The following WFS1 variants were observed in gnomAD, a reference collection of about 807,000 sequenced individuals.
WFS1 encodes the protein wolframin.
In WFS1, 90 loss-of-function variants were observed where a neutral mutation model predicts 68.5. The observed-to-expected ratio is 1.31, with a 90% CI of 1.11 to 1.56. The LOEUF (loss-of-function observed/expected upper bound fraction) is 1.56. Ranked by LOEUF, WFS1 falls within the 40% of genes most tolerant of loss-of-function variation. WFS1 has a pLI of 0.00. For synonymous variants in WFS1, 860 were observed against 540.7 expected, an observed-to-expected ratio of 1.59 and a Z score of -8.19; for missense variants, 1,767 against 1,232.6, an observed-to-expected ratio of 1.43 and a Z score of -6.49.
At chr4:6,291,833 A>G in intron 5 of WFS1, 84 bp from the exon 6 acceptor site, 1 of 1,433,750 alleles carries the variant, frequency 7.0e-7, no homozygotes. Context: ...GTGCCCTAGG[A>G]ACAGTGCGCC....
chr4:6,288,058 A>T (rs1356205093), intron 3 of WFS1, among the ~76,000 whole-genome samples: 1 of 152,068 alleles, frequency 6.6e-6, no homozygotes, highest in Admixed American at 6.5e-5. Context: ...CTCCACTACA[A>T]ATAGAAAAAT....
intron 1 of WFS1, among the ~76,000 whole-genome samples, chr4:6,271,824 C>T (rs928633461): frequency 6.6e-6 from 1 of 152,208 alleles, no homozygotes; most frequent in Admixed American, 6.5e-5. Flanking sequence ...GCTATCGGGT[C>T]AGGTCCGCCT....
chr4:6,301,645 G>A lies in WFS1; in HGVS notation c.1850G>A (p.Ser617Asn). The change falls in exon 8 of 8, where the codon AGC becomes AAC. Residue 617 changes from serine to asparagine, a missense_variant. Transcript: ENST00000226760. Reference protein sequence around the residue: ...PLLLRWWTKASFSVVGMVKSL... With the variant: ...PLLLRWWTKANFSVVGMVKSL... ...CTGTTGCGCTGGTGGACCAAGGCCA[G>A]CTTCTCTGTGGTGGGGATGGTGAAG... The A allele has an allele frequency of 6.2e-7, 1 of 1,614,112 alleles. No homozygotes were observed. Among genetic ancestry groups the A allele is most frequent in the African/African-American group, 1.3e-5 (1 of 75,074 alleles).
chr4:6,292,330 G>T (rs1168200430), intron 6 of WFS1, among the ~76,000 whole-genome samples: 1 of 152,154 alleles, frequency 6.6e-6, no homozygotes, highest in Non-Finnish European at 1.5e-5. Flanking sequence ...CTGGCGGGGG[G>T]GTCCTGAGTG....
chr4:6,301,272 G>T lies in WFS1; in HGVS notation c.1477G>T (p.Val493Phe). The change falls in exon 8 of 8, where the codon GTC becomes TTC. Residue 493 changes from valine to phenylalanine, a missense_variant. By Grantham distance (50) the Val-to-Phe change is conservative (BLOSUM62 -1). Transcript: ENST00000226760. ...VLGQTFITVP[V>F]GHLVVLNVSV... is the part of the protein sequence containing the mutation. ...TGGCCAGACCTTCATCACCGTGCCT[G>T]TCGGCCACCTGGTCGTCCTCAACGT... 1 of 1,611,356 alleles carries T rather than the reference G, an allele frequency of 6.2e-7. No individual in the cohort carries two copies.
chr4:6,282,881 A>C (rs1730206523), intron 2 of WFS1, among the ~76,000 whole-genome samples: 1 of 152,210 alleles, frequency 6.6e-6, no homozygotes, highest in African/African-American at 2.4e-5. Flanking sequence ...GGATTTCAGA[A>C]GGAGAGAGGG....
At position 6,302,613 on chromosome 4, in the gene WFS1, T is replaced by C. The variant is rs1168191966; in HGVS notation, c.*145T>C. The stretch of plus-strand genomic sequence containing the variant: ...CAGAGACCTTGCGACCATGTGTAGA[T>C]TGCGTGGACCCCGACAAAGGGAAGG... On this transcript the variant is annotated 3_prime_UTR_variant, in exon 8 of 8. Coordinates refer to ENST00000226760, the MANE Select transcript of WFS1 (RefSeq NM_006005.3). 2 of 1,210,586 alleles carry C rather than the reference T, an allele frequency of 1.7e-6. No homozygotes were observed. The highest frequency in any genetic ancestry group is 1.5e-5 in the African/African-American group (1 of 66,418). 75.0% of individuals were successfully genotyped at this position (1,210,586 alleles called of 1,614,324 possible).
intron 2 of WFS1, among the ~76,000 whole-genome samples, chr4:6,284,740 A>C (rs1258425912): frequency 1.3e-5 from 2 of 151,604 alleles, no homozygotes; most frequent in African/African-American, 4.8e-5. Flanking sequence ...CCATCCTATC[A>C]GATTGATGTT....
Position 6,287,559 on chromosome 4 carries a change from G to A in WFS1, c.315+384G>A, listed in dbSNP as rs919175633. Among the ~76,000 whole-genome samples, 4 of 152,180 alleles carry A rather than the reference G, an allele frequency of 2.6e-5. No homozygotes were observed. The highest frequency in any genetic ancestry group is 4.8e-5 in the African/African-American group (2 of 41,436). ...TCACCTGGCTGTTAGCTGTGTGCAC[G>A]GGGCCCTCAGAGCGGTGACCATTCA... On this transcript the variant is annotated intron_variant, in intron 3 of 7. Transcript: ENST00000226760. This position sits in a 1 kb window ranked among gnomAD's most constrained non-coding sequence, Gnocchi z 6.4.
rs1184705440 is a variant in WFS1, at chr4:6,301,954, T to A, written c.2159T>A (p.Ile720Asn). ...TDIDNSAESAINMLPFFIGDW... is the reference protein window; with the variant it reads ...TDIDNSAESANNMLPFFIGDW... The stretch of plus-strand genomic sequence containing the variant: ...ATCGACAACAGCGCCGAGTCTGCCA[T>A]CAACATGCTCCCGTTCTTCATCGGC... The change falls in exon 8 of 8, where the codon ATC (isoleucine) becomes AAC (asparagine). Residue 720 changes from isoleucine to asparagine, a missense_variant. Physicochemically the swap from Ile to Asn is moderately radical, Grantham distance 149. Transcript: ENST00000226760. 6.2e-7 allele frequency: 1 copy of A among 1,612,828 alleles called. No individual in the cohort carries two copies. Among genetic ancestry groups the A allele is most frequent in the Middle Eastern group, 1.6e-4 (1 of 6,062 alleles).
intron 7 of WFS1, 46 bp from the exon 8 acceptor site, chr4:6,300,611 G>A (rs201627588): frequency 9.5e-5 from 154 of 1,612,710 alleles, no homozygotes; most frequent in Non-Finnish European, 1.2e-4. Context: ...TGGGAGCAGT[G>A]GGGGTCCTGT....
intron 1 of WFS1, among the ~76,000 whole-genome samples, chr4:6,272,785 A>T (rs1729876237): frequency 6.6e-6 from 1 of 152,208 alleles, no homozygotes; most frequent in East Asian, 1.9e-4. Context: ...TTTTGTTTTC[A>T]TCCTAAACAG....
intron 7 of WFS1, among the ~76,000 whole-genome samples, chr4:6,297,954 G>C (rs1160403447): frequency 6.6e-6 from 1 of 152,180 alleles, no homozygotes; most frequent in Non-Finnish European, 1.5e-5. Context: ...GCAGAGGCTA[G>C]ACGCCATCCA....
rs941988103 is a variant in WFS1 at position 6,287,110 on chromosome 4, A to G, written c.250A>G (p.Met84Val). ...TGTTAAAGGGCCTACAAAGGGAGACATGGAAATCCCCTTTGAAGAAGTCCT... is the reference window on the plus strand; with the variant it reads ...TGTTAAAGGGCCTACAAAGGGAGACGTGGAAATCCCCTTTGAAGAAGTCCT... ...ADGTGPTKGD[M>V]EIPFEEVLER... The change falls in exon 3 of 8, where the codon ATG becomes GTG. Residue 84 changes from methionine to valine, a missense_variant. Physicochemically the swap from Met to Val is conservative, Grantham distance 21. Transcript: ENST00000226760. The surrounding 1 kb of genome is among the most constrained non-coding windows in gnomAD (Gnocchi z 6.4). The G allele has an allele frequency of 4.5e-6, 7 of 1,558,748 alleles. No individual in the cohort carries two copies. Among genetic ancestry groups the G allele is most frequent in the African/African-American group, 2.7e-5 (2 of 74,138 alleles).
chr4:6,287,125 G>T lies in WFS1; in HGVS notation c.265G>T (p.Glu89Ter). Residue 89 changes from glutamate to a stop codon, truncating the protein, a stop_gained, in exon 3 of 8, where the codon GAA becomes TAA. Coordinates refer to ENST00000226760, the MANE Select transcript of WFS1 (RefSeq NM_006005.3). LOFTEE classifies it high-confidence loss of function. The surrounding 1 kb of genome is among the most constrained non-coding windows in gnomAD (Gnocchi z 6.4). ...PTKGDMEIPFEEVLERAKAGD... is the reference protein window; with the variant it reads ...PTKGDMEIPF ...AAAGGGAGACATGGAAATCCCCTTT[G>T]AAGAAGTCCTGGAGAGGGCCAAGGC... 6.4e-7 allele frequency: 1 copy of T among 1,560,534 alleles called. No homozygotes were observed. Among genetic ancestry groups the T allele is most frequent in the South Asian group, 1.2e-5 (1 of 84,790 alleles).
chr4:6,300,819 G>A lies in WFS1; in HGVS notation c.1024G>A (p.Ala342Thr), dbSNP rs148028521. ...CAGCAACCTCACCATCGACTTCTTCGCCTTCTTCATCCCGCTGGTCATCTT... is the reference window on the plus strand; with the variant it reads ...CAGCAACCTCACCATCGACTTCTTCACCTTCTTCATCCCGCTGGTCATCTT... ...IVSNLTIDFF[A>T]FFIPLVIFYL... Residue 342 changes from alanine (A) to threonine (T), a missense_variant, in exon 8 of 8, where the codon GCC becomes ACC. Coordinates refer to ENST00000226760, the MANE Select transcript of WFS1 (RefSeq NM_006005.3). 2.0e-4 allele frequency: 330 copies of A among 1,613,824 alleles called. 1 individual carries two copies. The highest frequency in any genetic ancestry group is 5.0e-4 in the Middle Eastern group (3 of 6,058).
intron 4 of WFS1, 41 bp from the exon 5 acceptor site, chr4:6,291,156 G>C: frequency 6.2e-7 from 1 of 1,607,656 alleles, no homozygotes; most frequent in Non-Finnish European, 8.5e-7. Context: ...CGAAAGCCTA[G>C]GCAGGGCACA....
In WFS1 at chr4:6,302,839, T is replaced by TGTTGGATTTGTTTAA; in HGVS notation, c.*372_*386dup. The TGTTGGATTTGTTTAA allele has an allele frequency of 3.0e-6, 1 of 333,826 alleles. No individual in the cohort carries two copies. The highest frequency in any genetic ancestry group is 5.5e-6 in the Non-Finnish European group (1 of 180,226). The allele number at this position is 333,826 out of a possible 1,614,324, so 20.7% of individuals were successfully genotyped here. ...CCCTGTTCCCTCTTTCTTTCTTTTG[T>TGTTGGATTTGTTTAA]GTTGGATTTGTTTAAAAACCAAATA... On this transcript the variant is annotated 3_prime_UTR_variant, in exon 8 of 8. Transcript: ENST00000226760.
intron 7 of WFS1, 85 bp downstream of exon 7, chr4:6,295,274 A>T: frequency 1.3e-6 from 2 of 1,555,566 alleles, no homozygotes; most frequent in African/African-American, 1.3e-5. Flanking sequence ...AGGAAGCTGC[A>T]GGTGGGGAGG....
Sources: gnomAD v4.1 joint callset for allele counts (sites outside exome capture counted in the v4.1 genomes callset) on GRCh38, gnomAD v4.1.1 for gene constraint, Gnocchi (gnomAD v3.1) non-coding constraint, MANE v1.5 for transcripts, NCBI Gene and HGNC (gene_info 2026-07-23, HGNC 2026-07-21) for gene names.